Variants in PCDH15 observed in about 807,000 individuals in gnomAD.
PCDH15 encodes protocadherin related 15.
A neutral mutation model predicts 178.5 loss-of-function variants in PCDH15; 129 were observed. That is an observed-to-expected ratio of 0.72 (90% CI 0.63 to 0.84). PCDH15 has a LOEUF of 0.84. PCDH15 is among the 40% of genes least tolerant of loss of function. The probability of loss-of-function intolerance (pLI) is 0.00; values close to 1 mark genes in which losing one functional copy is unlikely to be tolerated. For missense variants in PCDH15, 2,230 were observed against 2,099.9 expected, an observed-to-expected ratio of 1.06 and a Z score of -1.21; for synonymous variants, 800 against 732.0, an observed-to-expected ratio of 1.09 and a Z score of -1.50.
chr10:54,760,601 G>T (rs960285859), intron 1 of PCDH15, among the ~76,000 whole-genome samples: 2 of 152,084 alleles, frequency 1.3e-5, no homozygotes, highest in Non-Finnish European at 2.9e-5. Flanking sequence ...TGATGATGTT[G>T]GCACTCTTGA....
intron 17 of PCDH15, among the ~76,000 whole-genome samples, chr10:54,074,532 C>T (rs186515596): frequency 2.0e-5 from 3 of 152,236 alleles, no homozygotes; most frequent in Admixed American, 1.3e-4. Context: ...TTTCTTCCAT[C>T]TTAAGGCCGA....
chr10:55,585,962 T>C (rs968482231), intron 2 of PCDH15, among the ~76,000 whole-genome samples: 2 of 152,100 alleles, frequency 1.3e-5, no homozygotes, highest in African/African-American at 4.8e-5. Context: ...TCCACATTTT[T>C]GGTCTAAATG....
At chr10:54,247,919 T>A (rs1356601210) in intron 8 of PCDH15, among the ~76,000 whole-genome samples, 1 of 144,880 alleles carries the variant, frequency 6.9e-6, no homozygotes, top group Non-Finnish European at 1.5e-5. Context: ...ATGATTGATG[T>A]GAGGATGCAT....
chr10:54,467,768 G>T (rs1243268375), intron 3 of PCDH15, among the ~76,000 whole-genome samples: 1 of 151,600 alleles, frequency 6.6e-6, no homozygotes, highest in Non-Finnish European at 1.5e-5. Flanking sequence ...CGTAAATTTG[G>T]TCAATTTGTC....
At chr10:54,475,494 A>G (rs183389555) in intron 3 of PCDH15, among the ~76,000 whole-genome samples, 7 of 152,126 alleles carry the variant, frequency 4.6e-5, no homozygotes, top group Non-Finnish European at 1.0e-4. Flanking sequence ...TAAAGCAACT[A>G]ATAAAGTGTT....
intron 3 of PCDH15, among the ~76,000 whole-genome samples, chr10:54,895,832 T>C (rs1954535422): frequency 6.6e-6 from 1 of 152,156 alleles, no homozygotes; most frequent in Admixed American, 6.5e-5. Context: ...TACTTTTCTT[T>C]TAAAATTTAT....
chr10:55,168,113 CT>C (rs1409427392), intron 1 of PCDH15, among the ~76,000 whole-genome samples: 1 of 152,010 alleles, frequency 6.6e-6, no homozygotes, highest in Admixed American at 6.6e-5. Context: ...GTATTCAGCA[CT>C]TTTTCACAAT....
chr10:55,024,254 TAC>T (rs1262393025), intron 2 of PCDH15, among the ~76,000 whole-genome samples: 2 of 147,596 alleles, frequency 1.4e-5, no homozygotes, highest in African/African-American at 2.5e-5. Context: ...TGTATCTGTG[TAC>T]ACACACACTC....
intron 1 of PCDH15, among the ~76,000 whole-genome samples, chr10:54,754,752 G>A (rs1168777164): frequency 2.6e-5 from 4 of 151,860 alleles, no homozygotes; most frequent in South Asian, 2.1e-4. Flanking sequence ...AAAACAAAAC[G>A]TTTATGGACA....
chr10:53,895,180 G>A (rs1036301504), intron 26 of PCDH15, among the ~76,000 whole-genome samples: 5 of 152,150 alleles, frequency 3.3e-5, no homozygotes, highest in African/African-American at 1.2e-4. Context: ...CCTAACCTCT[G>A]TCTAGAAACA....
At chr10:54,184,271 T>C (rs1326248659) in intron 12 of PCDH15, among the ~76,000 whole-genome samples, 1 of 152,158 alleles carries the variant, frequency 6.6e-6, no homozygotes, top group African/African-American at 2.4e-5. Context: ...TCTGATCTTT[T>C]TCTATGTAGG....
intron 2 of PCDH15, among the ~76,000 whole-genome samples, chr10:55,540,155 A>G (rs193171689): frequency 6.6e-5 from 10 of 152,218 alleles, no homozygotes; most frequent in Admixed American, 5.9e-4. Context: ...TCAAGTGCAT[A>G]GTCCATTTGT....
chr10:55,407,149 G>A (rs553220938), intron 2 of PCDH15, among the ~76,000 whole-genome samples: 1 of 151,422 alleles, frequency 6.6e-6, no homozygotes, highest in African/African-American at 2.4e-5. Context: ...TACATGGATG[G>A]TTTTGTAGAA....
intron 2 of PCDH15, among the ~76,000 whole-genome samples, chr10:54,618,881 T>G (rs1368139345): frequency 6.6e-6 from 1 of 151,978 alleles, no homozygotes; most frequent in Non-Finnish European, 1.5e-5. Flanking sequence ...AACGGCAGCA[T>G]GTTATTCCAT....
intron 2 of PCDH15, among the ~76,000 whole-genome samples, chr10:55,393,898 C>T (rs945611678): frequency 1.2e-4 from 19 of 152,092 alleles, no homozygotes; most frequent in Admixed American, 2.6e-4. Flanking sequence ...TGTCAAAATC[C>T]CACCCAAAAG....
Position 54,655,300 on chromosome 10 carries a change from G to GAGAGAGAGAGAGAGAC in PCDH15, c.91+8871_91+8872insGTCTCTCTCTCTCTCT, listed in dbSNP as rs1158121522. Among the ~76,000 whole-genome samples the GAGAGAGAGAGAGAGAC allele has an allele frequency of 3.5e-4, 39 of 111,382 alleles. 1 individual carries two copies. Among genetic ancestry groups the GAGAGAGAGAGAGAGAC allele is most frequent in the Non-Finnish European group, 5.1e-4 (25 of 49,010 alleles). The allele number at this position is 111,382 out of a possible 152,430, so 73.1% of individuals were successfully genotyped here. Reference sequence around the variant, plus strand: ...AGAGAGAGAGAGAGAGAGAGAGAGAGAGACAGAGAGAGAGACAGAGAAAGA... The same window carrying GAGAGAGAGAGAGAGAC: ...AGAGAGAGAGAGAGAGAGAGAGAGAGAGAGAGAGAGAGAGACAGACAGAGAGAGAGACAGAGAAAGA... On this transcript the variant is annotated intron_variant, in intron 2 of 37. Transcript: ENST00000644397.
intron 3 of PCDH15, chr10:54,869,095 T>C (rs1953989871): frequency 6.6e-6 from 1 of 152,206 alleles, no homozygotes; most frequent in African/African-American, 2.4e-5. Flanking sequence ...AAGGCATTTA[T>C]GAATGCTCTA....
chr10:54,000,145 C>A (rs2092058032), intron 20 of PCDH15, among the ~76,000 whole-genome samples: 1 of 152,190 alleles, frequency 6.6e-6, no homozygotes, highest in African/African-American at 2.4e-5. Context: ...GTGGTGCCTC[C>A]TAAAGCAGAT....
chr10:54,876,571 A>T (rs766833969), intron 3 of PCDH15, among the ~76,000 whole-genome samples: 15 of 152,186 alleles, frequency 9.9e-5, no homozygotes, highest in Non-Finnish European at 1.8e-4. Flanking sequence ...AACTGGAATT[A>T]GGAAGAACTT....
Sources: allele counts gnomAD v4.1 joint callset (sites outside exome capture counted in the v4.1 genomes callset), GRCh38; gene constraint gnomAD v4.1.1; transcripts MANE v1.5; gene names NCBI Gene and HGNC (gene_info 2026-07-23, HGNC 2026-07-21).